The following PCDHA7 variants were observed in gnomAD, a reference collection of about 807,000 sequenced individuals.
The protein encoded by PCDHA7 is protocadherin alpha-7.
Under a neutral mutation model 57.2 loss-of-function variants are expected in PCDHA7, and 37 were observed. The ratio of observed to expected loss-of-function variants is 0.65; its 90% CI spans 0.50 to 0.85. The LOEUF is 0.85. Ranked by LOEUF, PCDHA7 falls within the 40% of genes least tolerant of loss-of-function variation. The pLI is 0.00. For synonymous variants in PCDHA7, 553 were observed against 558.8 expected (o/e 0.99, Z 0.15); for missense variants, 1,188 against 1,241.8 (o/e 0.96, Z 0.65).
chr5:140,893,433 G>A (rs1441735373), intron 1 of PCDHA7, among the ~76,000 whole-genome samples: 3 of 152,006 alleles, frequency 2.0e-5, no homozygotes, highest in African/African-American at 4.8e-5. Context: ...CAGGAAGATC[G>A]CTTGAAGCCA....
At chr5:140,917,117 C>A (rs1318149439) in intron 1 of PCDHA7, among the ~76,000 whole-genome samples, 1 of 152,018 alleles carries the variant, frequency 6.6e-6, no homozygotes, top group Non-Finnish European at 1.5e-5. Flanking sequence ...CCTCCAAGTG[C>A]GCAGACTCCC....
At chr5:140,966,914 G>C in intron 1 of PCDHA7, 2 of 1,602,270 alleles carry the variant, frequency 1.2e-6, no homozygotes, top group Non-Finnish European at 1.7e-6. Flanking sequence ...CTCTGTGCCA[G>C]AGGAGCAGGC....
intron 1 of PCDHA7, chr5:140,882,210 CAGTTTG>C (rs1332497676): frequency 6.5e-7 from 1 of 1,533,604 alleles, no homozygotes; most frequent in African/African-American, 1.4e-5. Flanking sequence ...CCTTGAGAGA[CAGTTTG>C]AGGTAAGGCG....
chr5:140,945,597 A>G (rs374286655), intron 1 of PCDHA7, among the ~76,000 whole-genome samples: 11 of 152,170 alleles, frequency 7.2e-5, no homozygotes, highest in Non-Finnish European at 1.2e-4. Context: ...CTTCAAAGCT[A>G]TAATAATCAA....
At chr5:140,961,981 T>G (rs1408145304) in intron 1 of PCDHA7, among the ~76,000 whole-genome samples, 1 of 152,076 alleles carries the variant, frequency 6.6e-6, no homozygotes, top group African/African-American at 2.4e-5. Context: ...CCTCCTGGGT[T>G]CACGCCATTG....
At chr5:140,918,667 G>A (rs2078804677) in intron 1 of PCDHA7, among the ~76,000 whole-genome samples, 1 of 152,172 alleles carries the variant, frequency 6.6e-6, no homozygotes, top group African/African-American at 2.4e-5. Flanking sequence ...TTGATGGTAT[G>A]AAGAGGTGAG....
chr5:140,993,462 TCACACACACACACACACA>T (rs3836747), intron 3 of PCDHA7, among the ~76,000 whole-genome samples: 75 of 141,044 alleles, frequency 5.3e-4, no homozygotes, highest in African/African-American at 1.6e-3. Flanking sequence ...TCTTTCTTTC[TCACACACACACACACACA>T]CACACACACA....
In PCDHA7 at chr5:140,849,923, G is replaced by T. The variant is rs145904051; in HGVS notation, c.2355+13185G>T. 160 of 1,598,322 alleles carry T rather than the reference G, an allele frequency of 1.0e-4. 9 individuals carry two copies. The African/African-American group carries it at 1.2e-3, about 12-fold the overall frequency. On this transcript the variant is annotated intron_variant, in intron 1 of 3. Transcript: ENST00000525929. ...ACCCGCCGGGCTGCCACATCTTCAC[G>T]GTGTCTGCGCGGGACGCTGACGCGC...
At chr5:140,841,195 T>A (rs1777082025) in intron 1 of PCDHA7, 13 of 1,267,354 alleles carry the variant, frequency 1.0e-5, no homozygotes, top group Non-Finnish European at 1.4e-5. Context: ...GTCTTTTCTC[T>A]GACAGCATCT....
intron 1 of PCDHA7, chr5:140,856,104 T>C: frequency 6.3e-7 from 1 of 1,597,888 alleles, no homozygotes; most frequent in Non-Finnish European, 8.6e-7. Context: ...TCGCTTCTTC[T>C]CCTCGCAGCC....
chr5:140,863,082 G>A (rs1424614073), intron 1 of PCDHA7: 2 of 572,800 alleles, frequency 3.5e-6, no homozygotes, highest in Non-Finnish European at 6.9e-6. Flanking sequence ...GCACGGGCGA[G>A]ATCAGCACGA....
chr5:140,915,886 T>A (rs1259377999), intron 1 of PCDHA7, among the ~76,000 whole-genome samples: 2 of 152,186 alleles, frequency 1.3e-5, no homozygotes, highest in African/African-American at 4.8e-5. Context: ...GGGTAGCAAG[T>A]TCCCCCTGGC....
chr5:140,892,793 A>G (rs1292583572), intron 1 of PCDHA7, among the ~76,000 whole-genome samples: 1 of 152,224 alleles, frequency 6.6e-6, no homozygotes, highest in Non-Finnish European at 1.5e-5. Context: ...TATGTAAGAA[A>G]TTATAGTTAA....
In PCDHA7 at chr5:140,884,236, G is replaced by A. The variant is rs368136155; in HGVS notation, c.2355+47498G>A. ...TGGTGCTGGTGAAGGACCACGGTGAGCCCGCGCTGACGGCCACGGCAACGG... is the reference window on the plus strand; with the variant it reads ...TGGTGCTGGTGAAGGACCACGGTGAACCCGCGCTGACGGCCACGGCAACGG... On this transcript the variant is annotated intron_variant, in intron 1 of 3. Transcript: ENST00000525929. 11 of 1,613,334 alleles carry A rather than the reference G, an allele frequency of 6.8e-6. No homozygotes were observed. The African/African-American group carries it at 1.2e-4, about 18-fold the overall frequency.
chr5:140,898,632 C>T (rs2066885282), intron 1 of PCDHA7, among the ~76,000 whole-genome samples: 1 of 152,158 alleles, frequency 6.6e-6, no homozygotes, highest in Non-Finnish European at 1.5e-5. Flanking sequence ...ATAATGCCTC[C>T]AGCTTTGTTC....
In PCDHA7 at chr5:141,010,039, T is replaced by G. The variant is rs2098415843; in HGVS notation, c.*102T>G. ...TCCTTTTTCCTATCTACATGAGCCCTCTTAGAGACCTCAGAAATCTGCAGA... is the reference window on the plus strand; with the variant it reads ...TCCTTTTTCCTATCTACATGAGCCCGCTTAGAGACCTCAGAAATCTGCAGA... On this transcript the variant is annotated 3_prime_UTR_variant, in exon 4 of 4. Coordinates refer to ENST00000525929, the MANE Select transcript of PCDHA7 (RefSeq NM_018910.3). The G allele has an allele frequency of 1.4e-5, 23 of 1,593,158 alleles. No homozygotes were observed. Among genetic ancestry groups the G allele is most frequent in the Non-Finnish European group, 1.8e-5 (21 of 1,170,616 alleles).
chr5:140,989,948 C>T (rs1046056940), intron 3 of PCDHA7, among the ~76,000 whole-genome samples: 2 of 151,988 alleles, frequency 1.3e-5, no homozygotes, highest in Admixed American at 6.6e-5. Context: ...ACGTTTTTCT[C>T]GGTGAGACCA....
chr5:140,842,396 G>A, intron 1 of PCDHA7: 2 of 1,611,442 alleles, frequency 1.2e-6, no homozygotes, highest in South Asian at 2.2e-5. Context: ...ATCCTTGCCT[G>A]TACGTGAAGA....
At chr5:140,853,128 C>T (rs2150528900) in intron 1 of PCDHA7, 17 of 607,300 alleles carry the variant, frequency 2.8e-5, no homozygotes, top group Non-Finnish European at 3.6e-5. Flanking sequence ...ATCCTCCCGC[C>T]TCAGCCTCCC....
Sources: gnomAD v4.1 joint callset for allele counts (sites outside exome capture counted in the v4.1 genomes callset) on GRCh38, gnomAD v4.1.1 for gene constraint, MANE v1.5 for transcripts, NCBI Gene and HGNC (gene_info 2026-07-23, HGNC 2026-07-21) for gene names.